Variants in FCGR1A observed in about 807,000 individuals in gnomAD.
FCGR1A encodes high affinity immunoglobulin gamma Fc receptor I.
FCGR1A carries 13 observed loss-of-function variants against 35.0 expected under a neutral mutation model. The observed-to-expected ratio is 0.37, with a 90% CI of 0.24 to 0.59. The LOEUF (loss-of-function observed/expected upper bound fraction) is 0.59, where lower values mean the gene tolerates loss of function less well. Among genes scored for constraint, FCGR1A ranks in the 20% least tolerant of loss-of-function variants. FCGR1A has a pLI of 0.71. For synonymous variants in FCGR1A, 91 were observed against 164.7 expected, an observed-to-expected ratio of 0.55 and a Z score of 3.43; for missense variants, 227 against 430.0, an observed-to-expected ratio of 0.53 and a Z score of 4.17.
chr1:149,794,146 C>T, downstream of FCGR1A: 12 of 367,278 alleles, frequency 3.3e-5, no homozygotes, highest in South Asian at 2.2e-4. Flanking sequence ...TGAGAGGCAG[C>T]GGCAGCCTGG....
At chr1:149,792,642 C>T, downstream of FCGR1A, 1 of 1,271,666 alleles carries the variant, frequency 7.9e-7, no homozygotes, top group Non-Finnish European at 1.0e-6. Context: ...CATATTGCAG[C>T]CTCCGCCTGT....
intron 3 of FCGR1A, among the ~76,000 whole-genome samples, chr1:149,785,407 CGTTTTTTTTTTTTTT>C (rs2091516506): frequency 1.3e-5 from 1 of 74,544 alleles, no homozygotes; most frequent in African/African-American, 4.6e-5. Flanking sequence ...AGAGCTGTTT[CGTTTTTTTTTTTTTT>C]TTTTTTTTTT....
downstream of FCGR1A, among the ~76,000 whole-genome samples, chr1:149,796,109 A>G (rs587620568): frequency 2.8e-4 from 43 of 151,960 alleles, no homozygotes; most frequent in African/African-American, 9.4e-4. Flanking sequence ...TTTATTCTCC[A>G]CTTCTTGTTT....
chr1:149,789,029 C>T (rs2091627541), intron 4 of FCGR1A, among the ~76,000 whole-genome samples: 1 of 151,864 alleles, frequency 6.6e-6, no homozygotes, highest in African/African-American at 2.4e-5. Context: ...TGTCCATCTA[C>T]CTCTCAGGGA....
the FCGR1A span, among the ~76,000 whole-genome samples, chr1:149,799,272 T>C: frequency 1.3e-5 from 2 of 151,466 alleles, no homozygotes; most frequent in Admixed American, 6.6e-5. Flanking sequence ...CGTGTCTTCT[T>C]ATATCCAGTG....
intron 4 of FCGR1A, among the ~76,000 whole-genome samples, chr1:149,789,584 A>T (rs1394859043): frequency 1.3e-5 from 2 of 152,156 alleles, no homozygotes; most frequent in African/African-American, 2.4e-5. Context: ...GTGGCCTGTT[A>T]GGAACTGGGC....
intron 3 of FCGR1A, chr1:149,785,611 TACACAGACTCTAGGAC>T (rs2091527918): frequency 6.6e-6 from 1 of 151,880 alleles, no homozygotes; most frequent in South Asian, 2.1e-4. Context: ...TCTTTACCTC[TACACAGACTCTAGGAC>T]ACTCAGCATC....
In FCGR1A at chr1:149,784,152, C is replaced by A. The variant is rs782606348; in HGVS notation, c.202C>A (p.Pro68Thr). 6.2e-7 allele frequency: 1 copy of A among 1,611,656 alleles called. No homozygotes were observed. The highest frequency in any genetic ancestry group is 1.1e-5 in the South Asian group (1 of 90,974). The change falls in exon 3 of 6, where the codon CCC becomes ACC. Residue 68 changes from proline (P) to threonine (T), a missense_variant. Around this residue, in one of 3 missense-constraint regions of FCGR1A, gnomAD observed 185 missense variants for 306.6 expected, o/e 0.60. Coordinates refer to ENST00000369168, the MANE Select transcript of FCGR1A (RefSeq NM_000566.4). ...LNGTATQTST[P>T]SYRITSASVN... ...TGGCACAGCCACTCAGACCTCGACC[C>A]CCAGCTACAGAATCACCTCTGCCAG...
chr1:149,789,597 C>T (rs2102055310), intron 4 of FCGR1A, among the ~76,000 whole-genome samples: 1 of 152,218 alleles, frequency 6.6e-6, no homozygotes, highest in East Asian at 1.9e-4. Flanking sequence ...AACTGGGCTG[C>T]ACAGCAGGAG....
At position 149,790,091 on chromosome 1, in the gene FCGR1A, A is replaced by G. The variant is rs782530752; in HGVS notation, c.597A>G (p.Thr199=). The part of the protein sequence containing the change: ...FPAPVLNASV[T]SPLLEGNLVT... ...CTCCAGTGCTGAATGCATCTGTGAC[A>G]TCCCCACTCCTGGAGGGGAATCTGG... is the stretch of plus-strand genomic sequence containing the variant. Residue 199 remains threonine (T), a synonymous_variant, in exon 5 of 6, where the codon ACA becomes ACG. Transcript: ENST00000369168. 3.7e-6 allele frequency: 6 copies of G among 1,613,686 alleles called. No homozygotes were observed. The highest frequency in any genetic ancestry group is 1.3e-5 in the African/African-American group (1 of 74,738).
downstream of FCGR1A, chr1:149,792,644 T>C (rs6658340): frequency 2.5e-3 from 3,179 of 1,272,378 alleles, 240 homozygotes; most frequent in African/African-American, 0.032. Flanking sequence ...TATTGCAGCC[T>C]CCGCCTGTAT....
the FCGR1A span, among the ~76,000 whole-genome samples, chr1:149,798,618 TAA>T: frequency 5.4e-4 from 75 of 139,456 alleles, no homozygotes; most frequent in Admixed American, 7.2e-4. Context: ...AAACCGACTT[TAA>T]AAAAAAAAAA....
At chr1:149,799,494 CCTTT>C in the FCGR1A span, among the ~76,000 whole-genome samples, 1 of 151,746 alleles carries the variant, frequency 6.6e-6, no homozygotes, top group Non-Finnish European at 1.5e-5. Flanking sequence ...TCCTTTTATT[CCTTT>C]ATTTTCTCAT....
At chr1:149,786,117 A>C (rs1571386646) in intron 3 of FCGR1A, 2 of 152,228 alleles carry the variant, frequency 1.3e-5, no homozygotes, top group East Asian at 3.9e-4. Flanking sequence ...ACCATTACTA[A>C]TGTTTGACAG....
intron 4 of FCGR1A, among the ~76,000 whole-genome samples, chr1:149,789,325 G>C (rs1202485720): frequency 1.3e-5 from 2 of 152,034 alleles, no homozygotes; most frequent in African/African-American, 4.8e-5. Flanking sequence ...CCCGGGAAGC[G>C]GAGCTTGCAG....
At chr1:149,796,162 C>A (rs2091797972), downstream of FCGR1A, among the ~76,000 whole-genome samples, 1 of 149,728 alleles carries the variant, frequency 6.7e-6, no homozygotes, top group Non-Finnish European at 1.5e-5. Flanking sequence ...GTAAGAAGTT[C>A]AGTTTTCTGC....
At chr1:149,795,805 G>A (rs148899710), downstream of FCGR1A, among the ~76,000 whole-genome samples, 321 of 151,742 alleles carry the variant, frequency 2.1e-3, no homozygotes, top group Admixed American at 4.4e-3. Context: ...CAGCTTTTTA[G>A]ATGCAAACCT....
the FCGR1A span, among the ~76,000 whole-genome samples, chr1:149,799,893 T>C: frequency 6.6e-6 from 1 of 152,186 alleles, no homozygotes; most frequent in African/African-American, 2.4e-5. Flanking sequence ...GGGTTCTCCA[T>C]ACAGCAAGCA....
At chr1:149,800,456 G>A in the FCGR1A span, among the ~76,000 whole-genome samples, 1 of 145,518 alleles carries the variant, frequency 6.9e-6, no homozygotes, top group Non-Finnish European at 1.5e-5. Flanking sequence ...GTTCTTTCTG[G>A]TCACCAGCCC....
Sources: allele counts gnomAD v4.1 joint callset (sites outside exome capture counted in the v4.1 genomes callset), GRCh38; gene constraint gnomAD v4.1.1; regional missense constraint gnomAD v4.1.1; transcripts MANE v1.5; gene names NCBI Gene and HGNC (gene_info 2026-07-23, HGNC 2026-07-21).